ADCY10: variants seen among roughly 807,000 people sequenced by gnomAD.
ADCY10 encodes adenylate cyclase 10.
Under a neutral mutation model 183.3 loss-of-function variants are expected in ADCY10, and 156 were observed. The observed-to-expected ratio is 0.85, with a 90% CI of 0.75 to 0.97. The LOEUF is 0.97. Among genes scored for constraint, ADCY10 ranks in the 50% least tolerant of loss-of-function variants. The pLI, the probability that ADCY10 is intolerant of heterozygous loss-of-function variation, is 0.00. For synonymous variants in ADCY10, 645 were observed against 670.0 expected (o/e 0.96, Z 0.58); for missense variants, 1,745 against 1,934.3 (o/e 0.90, Z 1.84).
chr1:167,822,003 T>G, intron 30 of ADCY10, 21 bp downstream of exon 30: 1 of 1,441,922 alleles, frequency 6.9e-7, no homozygotes, highest in Non-Finnish European at 9.8e-7. Flanking sequence ...GGGAATTTAG[T>G]GATATGCCAC....
At chr1:167,872,284 G>C (rs1468069506) in intron 13 of ADCY10, among the ~76,000 whole-genome samples, 1 of 151,918 alleles carries the variant, frequency 6.6e-6, no homozygotes, top group Admixed American at 6.5e-5. Context: ...GTTACAGTAA[G>C]CCGAGATGGC....
chr1:167,842,441 G>A (rs968030010), intron 21 of ADCY10, among the ~76,000 whole-genome samples: 1 of 152,068 alleles, frequency 6.6e-6, no homozygotes, highest in African/African-American at 2.4e-5. Flanking sequence ...GATTACAAGC[G>A]TGAGCCACCA....
chr1:167,875,295 A>G (rs1667373285), intron 12 of ADCY10, 109 bp from the exon 13 acceptor site: 3 of 1,114,880 alleles, frequency 2.7e-6, no homozygotes, highest in Non-Finnish European at 4.1e-6. Context: ...ATTGCTAACA[A>G]GAGTCTATCC....
chr1:167,872,133 G>T (rs554004423), intron 13 of ADCY10, among the ~76,000 whole-genome samples: 38 of 152,278 alleles, frequency 2.5e-4, no homozygotes, highest in African/African-American at 8.7e-4. Context: ...CCTGAGGTCA[G>T]GAGTTCGAGA....
chr1:167,838,052 A>G (rs1664354023), intron 21 of ADCY10, among the ~76,000 whole-genome samples: 1 of 152,236 alleles, frequency 6.6e-6, no homozygotes, highest in Non-Finnish European at 1.5e-5. Context: ...TACATCTGTT[A>G]GTGGTGGAGG....
chr1:167,898,827 C>T (rs1214854723), intron 6 of ADCY10, among the ~76,000 whole-genome samples: 4 of 152,154 alleles, frequency 2.6e-5, no homozygotes, highest in African/African-American at 7.2e-5. Context: ...TCCTTTGGCT[C>T]ATCTAGCAGC....
intron 8 of ADCY10, among the ~76,000 whole-genome samples, chr1:167,888,875 CA>C (rs748603972): frequency 1.0e-3 from 95 of 94,136 alleles, no homozygotes; most frequent in Middle Eastern, 6.4e-3. Context: ...GACTCCGTCT[CA>C]AAAAAAAAAA....
At chr1:167,904,866 G>T in intron 2 of ADCY10, 127 bp downstream of exon 2, 1 of 1,227,408 alleles carries the variant, frequency 8.1e-7, no homozygotes, top group Non-Finnish European at 1.2e-6. Flanking sequence ...TCTCAGTGGA[G>T]CACATCTGCT....
chr1:167,809,574 G>T lies in ADCY10; in HGVS notation c.*104C>A. Reference sequence around the variant, plus strand: ...CATGTCTGTTTCTGTGTCTGGAACAGAAGAGATTATGTAGGAACCTGGAGT... The same window carrying T: ...CATGTCTGTTTCTGTGTCTGGAACATAAGAGATTATGTAGGAACCTGGAGT... On this transcript the variant is annotated 3_prime_UTR_variant, in exon 33 of 33. Coordinates refer to ENST00000367851, the MANE Select transcript of ADCY10 (RefSeq NM_018417.6). 3 of 1,249,106 alleles carry T rather than the reference G, an allele frequency of 2.4e-6. No homozygotes were observed. The highest frequency in any genetic ancestry group is 2.4e-5 in the South Asian group (2 of 82,208). 77.4% of individuals were successfully genotyped at this position (1,249,106 alleles called of 1,614,324 possible). A position where few individuals can be genotyped will look rare whatever the true frequency, so the allele number is the denominator to read the frequency against.
rs780418550 is a variant in ADCY10, at chr1:167,859,832, A to G, written c.1871T>C (p.Ile624Thr). 3.1e-6 allele frequency: 5 copies of G among 1,613,338 alleles called. No homozygotes were observed. The highest frequency in any genetic ancestry group is 4.2e-6 in the Non-Finnish European group (5 of 1,179,446). ...STLKKQKQLE[I>T]LFMKILKLIV... ...CAGCTTCAAGATCTTCATAAACAAT[A>G]TTTCCAATTGTTTTTGCTTTTTCAA... Residue 624 changes from isoleucine (I) to threonine (T), a missense_variant, in exon 16 of 33, where the codon ATA (isoleucine) becomes ACA (threonine). Transcript: ENST00000367851.
intron 31 of ADCY10, among the ~76,000 whole-genome samples, chr1:167,815,971 C>A (rs1435975777): frequency 4.0e-5 from 6 of 151,546 alleles, no homozygotes; most frequent in Non-Finnish European, 8.8e-5. Context: ...AACTGACAAG[C>A]TAAGAGAGCA....
intron 14 of ADCY10, among the ~76,000 whole-genome samples, chr1:167,866,122 G>C (rs1442877278): frequency 6.6e-6 from 1 of 152,186 alleles, no homozygotes; most frequent in Non-Finnish European, 1.5e-5. Flanking sequence ...CGGATGTGTG[G>C]TGGTATTGTG....
intron 3 of ADCY10, among the ~76,000 whole-genome samples, chr1:167,903,181 G>T (rs1032876764): frequency 6.6e-6 from 1 of 152,112 alleles, no homozygotes; most frequent in Non-Finnish European, 1.5e-5. Context: ...GCTTGAACCT[G>T]GGAGGCAGAG....
intron 18 of ADCY10, among the ~76,000 whole-genome samples, chr1:167,850,697 G>GTGTGTGTGTA (rs1553267962): frequency 0.021 from 2,923 of 142,314 alleles, 133 homozygotes; most frequent in African/African-American, 0.058. Context: ...GTGTGTGTGT[G>GTGTGTGTGTA]TGTGTGTGTG....
intron 4 of ADCY10, 25 bp from the exon 5 acceptor site, chr1:167,901,830 C>A (rs756680139): frequency 1.2e-6 from 2 of 1,614,166 alleles, no homozygotes; most frequent in Admixed American, 3.3e-5. Context: ...ATGCCGCGGG[C>A]TTTTGACCTG....
chr1:167,824,446 T>A (rs1323380999), intron 28 of ADCY10, 30 bp downstream of exon 28: 2 of 1,596,404 alleles, frequency 1.3e-6, no homozygotes, highest in African/African-American at 2.7e-5. Context: ...CTCCTCCCCC[T>A]AATTTTGGAA....
intron 12 of ADCY10, 28 bp from the exon 13 acceptor site, chr1:167,875,214 C>T (rs372114498): frequency 6.2e-6 from 10 of 1,610,842 alleles, no homozygotes; most frequent in Non-Finnish European, 7.6e-6. Flanking sequence ...AGAACAGATG[C>T]TAGATTCAAA....
At chr1:167,877,857 T>C (rs764234308) in intron 12 of ADCY10, among the ~76,000 whole-genome samples, 32 of 152,054 alleles carry the variant, frequency 2.1e-4, no homozygotes, top group Admixed American at 4.6e-4. Flanking sequence ...ATGAGGACAA[T>C]CTACTTAAAC....
chr1:167,838,702 C>A (rs540555817), intron 21 of ADCY10, among the ~76,000 whole-genome samples: 11 of 152,272 alleles, frequency 7.2e-5, no homozygotes, highest in Non-Finnish European at 1.6e-4. Flanking sequence ...TATATCTAAG[C>A]CTCGACATCT....
Sources: allele counts gnomAD v4.1 joint callset (sites outside exome capture counted in the v4.1 genomes callset), GRCh38; gene constraint gnomAD v4.1.1; transcripts MANE v1.5; gene names NCBI Gene and HGNC (gene_info 2026-07-23, HGNC 2026-07-21).